PLD5: variants seen among roughly 807,000 people sequenced by gnomAD.
PLD5 encodes inactive phospholipase D5.
In PLD5, 36 loss-of-function variants were observed where a neutral mutation model predicts 61.1. The ratio of observed to expected loss-of-function variants is 0.59; its 90% CI spans 0.45 to 0.78. The LOEUF is 0.78. Ranked by LOEUF, PLD5 falls within the 30% of genes least tolerant of loss-of-function variation. The pLI, the probability that PLD5 is intolerant of heterozygous loss-of-function variation, is 0.00. For synonymous variants in PLD5, 243 were observed against 242.8 expected (o/e 1.00, Z -0.01); for missense variants, 515 against 644.4 (o/e 0.80, Z 2.17).
intron 1 of PLD5, among the ~76,000 whole-genome samples, chr1:242,366,205 A>C (rs1041757553): frequency 4.6e-5 from 7 of 152,178 alleles, no homozygotes; most frequent in African/African-American, 1.4e-4. Context: ...TATTTAGCAA[A>C]TATGTATTTA....
At chr1:242,265,161 A>G (rs1322026297) in intron 4 of PLD5, among the ~76,000 whole-genome samples, 176 bp downstream of exon 4, 3 of 152,204 alleles carry the variant, frequency 2.0e-5, no homozygotes, top group Non-Finnish European at 4.4e-5. Context: ...ATCCCAATAT[A>G]TTAATTAGTT....
At chr1:242,430,810 C>T (rs1665676009) in intron 1 of PLD5, among the ~76,000 whole-genome samples, 1 of 152,078 alleles carries the variant, frequency 6.6e-6, no homozygotes, top group Non-Finnish European at 1.5e-5. Context: ...TAATGGTAGG[C>T]TCCTCATCAT....
intron 5 of PLD5, among the ~76,000 whole-genome samples, chr1:242,161,528 T>C (rs1272951442): frequency 6.6e-6 from 1 of 152,146 alleles, no homozygotes; most frequent in African/African-American, 2.4e-5. Context: ...TTAAGTTTCC[T>C]ATATTATAAA....
intron 1 of PLD5, among the ~76,000 whole-genome samples, chr1:242,392,014 C>T (rs969832506): frequency 6.6e-6 from 1 of 152,112 alleles, no homozygotes; most frequent in Non-Finnish European, 1.5e-5. Context: ...TATAGGTGCC[C>T]ATCAACAGTG....
chr1:242,247,123 A>G (rs1672430095), intron 4 of PLD5, among the ~76,000 whole-genome samples: 1 of 151,934 alleles, frequency 6.6e-6, no homozygotes, highest in Non-Finnish European at 1.5e-5. Context: ...AGCTGGGACT[A>G]CAGGCGCCCG....
intron 9 of PLD5, among the ~76,000 whole-genome samples, chr1:242,096,703 T>G (rs1347052074): frequency 2.0e-5 from 3 of 151,066 alleles, no homozygotes; most frequent in African/African-American, 7.3e-5. Context: ...TTTTTTAGTC[T>G]GCTAAACTGA....
intron 4 of PLD5, among the ~76,000 whole-genome samples, chr1:242,236,248 T>C (rs1036455860): frequency 6.6e-6 from 1 of 152,218 alleles, no homozygotes; most frequent in Non-Finnish European, 1.5e-5. Flanking sequence ...TATATTTCTA[T>C]TGCTTATAAG....
intron 1 of PLD5, among the ~76,000 whole-genome samples, chr1:242,423,431 C>T (rs573775219): frequency 3.0e-4 from 45 of 152,200 alleles, no homozygotes; most frequent in African/African-American, 1.0e-3. Context: ...TGGCGAAATA[C>T]GTGAGTTATT....
chr1:242,324,798 C>G (rs1417975732), intron 2 of PLD5, among the ~76,000 whole-genome samples: 1 of 152,146 alleles, frequency 6.6e-6, no homozygotes, highest in African/African-American at 2.4e-5. Flanking sequence ...CCAGCTGGCC[C>G]CACCCAGACC....
At chr1:242,466,300 T>C (rs1460002825) in intron 1 of PLD5, among the ~76,000 whole-genome samples, 1 of 152,170 alleles carries the variant, frequency 6.6e-6, no homozygotes, top group Non-Finnish European at 1.5e-5. Flanking sequence ...ACAGGAGATA[T>C]TCAGTAATAT....
At chr1:242,284,324 A>G (rs1482995724) in intron 3 of PLD5, among the ~76,000 whole-genome samples, 2 of 151,050 alleles carry the variant, frequency 1.3e-5, no homozygotes, top group African/African-American at 4.9e-5. Context: ...TTTAGTACAG[A>G]CGGGGTTTCA....
chr1:242,438,580 A>G (rs1438593536), intron 1 of PLD5, among the ~76,000 whole-genome samples: 1 of 151,424 alleles, frequency 6.6e-6, no homozygotes, highest in Admixed American at 6.6e-5. Context: ...GAGTACTCAG[A>G]TTACCGGCAC....
chr1:242,291,876 A>G (rs1675388741), intron 2 of PLD5, among the ~76,000 whole-genome samples: 1 of 152,124 alleles, frequency 6.6e-6, no homozygotes. Context: ...GGGGATTGGG[A>G]GAGTATCAAA....
chr1:242,099,289 A>G (rs905683501), intron 9 of PLD5, among the ~76,000 whole-genome samples: 3 of 151,472 alleles, frequency 2.0e-5, no homozygotes, highest in Non-Finnish European at 1.5e-5. Flanking sequence ...TGTCCAGCAA[A>G]TTTTTTTGGT....
chr1:242,103,419 T>C (rs528616187), intron 8 of PLD5, among the ~76,000 whole-genome samples: 68 of 152,316 alleles, frequency 4.5e-4, no homozygotes, highest in African/African-American at 1.5e-3. Context: ...TCATTCAACA[T>C]GTATGTTTTG....
rs533889321 is a variant in PLD5, at chr1:242,320,847, G to A, written c.326+27259C>T. 3.4e-3 allele frequency among the ~76,000 whole-genome samples: 515 copies of A among 152,188 alleles called. 6 individuals are homozygous for A. Among genetic ancestry groups the A allele is most frequent in the African/African-American group, 0.012 (489 of 41,516 alleles). On this transcript the variant is annotated intron_variant, in intron 2 of 9. Transcript: ENST00000536534. ...ATTGATTTGGGGTGGGGCCTGGGTA[G>A]CAATATTTTCTTTAAAGCTCTCCAA...
At chr1:242,526,756 G>T (rs886638620), upstream of PLD5, among the ~76,000 whole-genome samples, 3 of 152,078 alleles carry the variant, frequency 2.0e-5, no homozygotes, top group Non-Finnish European at 4.4e-5. Flanking sequence ...CTGTCCCCCA[G>T]TTTTTACTAT....
intron 1 of PLD5, among the ~76,000 whole-genome samples, chr1:242,517,230 T>C (rs1669131632): frequency 6.6e-6 from 1 of 152,206 alleles, no homozygotes; most frequent in Non-Finnish European, 1.5e-5. Context: ...TTCCGTACAA[T>C]GCCAACTAAA....
At chr1:242,409,347 T>G (rs10803042) in intron 1 of PLD5, among the ~76,000 whole-genome samples, 61,363 of 151,936 alleles carry the variant, frequency 0.4, 12,981 homozygotes, top group African/African-American at 0.53. Context: ...TGAAGCCCAT[T>G]TAAGAAGATG....
Sources: allele counts gnomAD v4.1 joint callset (sites outside exome capture counted in the v4.1 genomes callset), GRCh38; gene constraint gnomAD v4.1.1; transcripts MANE v1.5; gene names NCBI Gene and HGNC (gene_info 2026-07-23, HGNC 2026-07-21).